SAXO1: variants seen among roughly 807,000 people sequenced by gnomAD.
SAXO1 encodes 4930500O09Rik.
SAXO1 carries 21 observed loss-of-function variants against 17.5 expected under a neutral mutation model. The ratio of observed to expected loss-of-function variants is 1.20; its 90% confidence interval spans 0.85 to 1.72. The LOEUF is 1.72. Among genes scored for constraint, SAXO1 ranks in the 40% most tolerant of loss-of-function variants. The pLI is 0.00. For missense variants in SAXO1, 843 were observed against 596.0 expected, an observed-to-expected ratio of 1.41 and a Z score of -4.32; for synonymous variants, 274 against 216.5, an observed-to-expected ratio of 1.27 and a Z score of -2.33.
At chr9:19,042,977 C>G (rs7021907) in intron 1 of SAXO1, among the ~76,000 whole-genome samples, 128,736 of 152,026 alleles carry the variant, frequency 0.85, 54,762 homozygotes, top group African/African-American at 0.93. Context: ...TTTGAGACCA[C>G]GCTGGGAAAT....
At chr9:18,993,263 C>T (rs1833878903) in intron 1 of SAXO1, among the ~76,000 whole-genome samples, 1 of 151,422 alleles carries the variant, frequency 6.6e-6, no homozygotes, top group Admixed American at 6.6e-5. Flanking sequence ...AATGCTCTCC[C>T]TCCCCTTGCC....
At chr9:19,048,326 A>C (rs1369545789) in intron 1 of SAXO1, among the ~76,000 whole-genome samples, 1 of 152,180 alleles carries the variant, frequency 6.6e-6, no homozygotes, top group Non-Finnish European at 1.5e-5. Flanking sequence ...GCGTGGTGGC[A>C]GGTGCCCACA....
At chr9:18,937,724 C>G (rs1831361243) in intron 3 of SAXO1, among the ~76,000 whole-genome samples, 1 of 152,142 alleles carries the variant, frequency 6.6e-6, no homozygotes, top group South Asian at 2.1e-4. Context: ...CATGAGGACA[C>G]AGCAACAAGG....
chr9:18,972,025 A>G (rs538150510), intron 1 of SAXO1, among the ~76,000 whole-genome samples: 1 of 152,270 alleles, frequency 6.6e-6, no homozygotes, highest in African/African-American at 2.4e-5. Context: ...GAAAAATTGT[A>G]CTTTTGGTTT....
chr9:18,994,258 AT>A (rs1311142559), intron 1 of SAXO1, among the ~76,000 whole-genome samples: 2 of 152,118 alleles, frequency 1.3e-5, no homozygotes, highest in Admixed American at 1.3e-4. Flanking sequence ...TTACATGTAC[AT>A]TTTCTCCCTT....
upstream of SAXO1, among the ~76,000 whole-genome samples, chr9:19,034,157 T>C (rs985035732): frequency 7.9e-5 from 12 of 152,204 alleles, no homozygotes; most frequent in African/African-American, 2.9e-4. Context: ...GTATTGACAA[T>C]CTTTATGCTT....
intron 1 of SAXO1, among the ~76,000 whole-genome samples, chr9:19,004,278 T>A (rs918813835): frequency 6.6e-6 from 1 of 152,214 alleles, no homozygotes; most frequent in African/African-American, 2.4e-5. Flanking sequence ...GCTTTTACAC[T>A]GTTGGTGGGA....
Position 18,961,584 on chromosome 9 carries a change from G to A in SAXO1, c.39-10647C>T, listed in dbSNP as rs1191536441. ...CTCCCACTTATGAGTGGGAACATGT[G>A]GTGTTTGCTTTTCTGTTCCTGTGTT... On this transcript the variant is annotated intron_variant, in intron 1 of 3. Coordinates refer to ENST00000380534, the MANE Select transcript of SAXO1 (RefSeq NM_153707.4). Among the ~76,000 whole-genome samples the A allele has an allele frequency of 3.3e-5, 5 of 152,056 alleles. No homozygotes were observed. The East Asian group carries it at 7.8e-4, about 24-fold the overall frequency.
chr9:19,007,230 C>T (rs1381670036), intron 1 of SAXO1, among the ~76,000 whole-genome samples: 1 of 151,628 alleles, frequency 6.6e-6, no homozygotes, highest in East Asian at 1.9e-4. Context: ...GCCTGTAGTC[C>T]CAGCTACTCG....
intron 1 of SAXO1, among the ~76,000 whole-genome samples, chr9:19,012,771 G>A (rs563146644): frequency 2.5e-4 from 38 of 152,258 alleles, no homozygotes; most frequent in African/African-American, 9.1e-4. Context: ...TGAGTTTCTA[G>A]GCACTCTCAG....
At chr9:18,941,991 C>A in intron 2 of SAXO1, 152 bp from the exon 3 acceptor site, 1 of 694,292 alleles carries the variant, frequency 1.4e-6, no homozygotes. Flanking sequence ...CCTCTATTTC[C>A]CACTTTTGAG....
chr9:18,930,711 C>A (rs1831004440), intron 3 of SAXO1, among the ~76,000 whole-genome samples: 1 of 152,176 alleles, frequency 6.6e-6, no homozygotes, highest in Non-Finnish European at 1.5e-5. Context: ...GTTGGTCAGG[C>A]TGGTCTCGAA....
At chr9:19,042,453 A>T (rs1836099867) in intron 1 of SAXO1, among the ~76,000 whole-genome samples, 1 of 152,378 alleles carries the variant, frequency 6.6e-6, no homozygotes, top group African/African-American at 2.4e-5. Context: ...TATATACCCA[A>T]AAGAAAGGGA....
intron 1 of SAXO1, among the ~76,000 whole-genome samples, chr9:19,038,822 C>T (rs974153168): frequency 2.0e-5 from 3 of 151,574 alleles, no homozygotes; most frequent in Non-Finnish European, 4.4e-5. Flanking sequence ...CAGGGTGAGG[C>T]AAAGCCTTTA....
At chr9:19,040,164 C>G (rs1223520370) in intron 1 of SAXO1, among the ~76,000 whole-genome samples, 1 of 152,066 alleles carries the variant, frequency 6.6e-6, no homozygotes, top group Admixed American at 6.6e-5. Flanking sequence ...AAATGAATTG[C>G]TTTTGTACTT....
At chr9:18,946,205 G>A (rs1023546512) in intron 2 of SAXO1, among the ~76,000 whole-genome samples, 27 of 148,990 alleles carry the variant, frequency 1.8e-4, no homozygotes, top group African/African-American at 6.8e-4. Context: ...GAACTCGGGA[G>A]GAGGAAGTTG....
At chr9:18,941,582 C>A (rs1831560332) in intron 3 of SAXO1, 55 bp downstream of exon 3, 1 of 1,602,056 alleles carries the variant, frequency 6.2e-7, no homozygotes. Context: ...ATTTCCTGGC[C>A]CGCACACAGG....
chr9:18,972,629 G>C (rs981595793), intron 1 of SAXO1, among the ~76,000 whole-genome samples: 1 of 152,156 alleles, frequency 6.6e-6, no homozygotes, highest in Admixed American at 6.5e-5. Context: ...GACCCTCATA[G>C]AACCAGATCA....
At chr9:19,027,793 C>A in intron 1 of SAXO1, 1 of 1,510,230 alleles carries the variant, frequency 6.6e-7, no homozygotes, top group East Asian at 2.3e-5. Context: ...TGGATGGCTT[C>A]CAGCCCAACA....
Sources: gnomAD v4.1 joint callset for allele counts (sites outside exome capture counted in the v4.1 genomes callset) on GRCh38, gnomAD v4.1.1 for gene constraint, MANE v1.5 for transcripts, NCBI Gene and HGNC (gene_info 2026-07-23, HGNC 2026-07-21) for gene names.